The following ACVR1C variants were observed in gnomAD, a reference collection of about 807,000 sequenced individuals.
The protein encoded by ACVR1C is activin receptor type-1C.
In ACVR1C, 23 loss-of-function variants were observed where a neutral mutation model predicts 57.9. The ratio of observed to expected loss-of-function variants is 0.40; its 90% CI spans 0.29 to 0.56. ACVR1C has a LOEUF of 0.56. Among genes scored for constraint, ACVR1C ranks in the 20% least tolerant of loss-of-function variants. The pLI, the probability that ACVR1C is intolerant of heterozygous loss-of-function variation, is 0.50. For missense variants in ACVR1C, 480 were observed against 607.9 expected (o/e 0.79, Z 2.21); for synonymous variants, 214 against 215.3 (o/e 0.99, Z 0.05).
At chr2:157,581,573 A>G (rs977659926) in intron 2 of ACVR1C, among the ~76,000 whole-genome samples, 4 of 152,150 alleles carry the variant, frequency 2.6e-5, no homozygotes, top group African/African-American at 7.2e-5. Context: ...ACCATAACAA[A>G]TAGGATCTAA....
At chr2:157,607,573 C>G (rs1682432926) in intron 1 of ACVR1C, among the ~76,000 whole-genome samples, 1 of 151,658 alleles carries the variant, frequency 6.6e-6, no homozygotes, top group African/African-American at 2.4e-5. Flanking sequence ...GTCATTTTAA[C>G]AATACCTACT....
At chr2:157,542,271 A>G (rs1687642750) in intron 6 of ACVR1C, among the ~76,000 whole-genome samples, 1 of 152,210 alleles carries the variant, frequency 6.6e-6, no homozygotes, top group South Asian at 2.1e-4. Flanking sequence ...GTCCCTACCT[A>G]TCTATTTCAA....
chr2:157,574,003 A>T (rs1205326577), intron 2 of ACVR1C, among the ~76,000 whole-genome samples: 1 of 152,240 alleles, frequency 6.6e-6, no homozygotes, highest in Non-Finnish European at 1.5e-5. Flanking sequence ...AATGAATGAA[A>T]TAAATAAGAA....
At chr2:157,572,730 T>G (rs1286303994) in intron 2 of ACVR1C, among the ~76,000 whole-genome samples, 1 of 152,192 alleles carries the variant, frequency 6.6e-6, no homozygotes, top group Non-Finnish European at 1.5e-5. Context: ...GCCTCCTATA[T>G]TAAACTTTAA....
At chr2:157,625,737 T>C (rs889277782) in intron 1 of ACVR1C, among the ~76,000 whole-genome samples, 5 of 152,198 alleles carry the variant, frequency 3.3e-5, no homozygotes, top group African/African-American at 1.2e-4. Context: ...AATAATCCTT[T>C]CTGGACCAGA....
intron 2 of ACVR1C, among the ~76,000 whole-genome samples, chr2:157,563,507 G>T (rs1235427888): frequency 6.6e-6 from 1 of 152,188 alleles, no homozygotes; most frequent in Non-Finnish European, 1.5e-5. Flanking sequence ...CTCATGGATA[G>T]GAAGAATCAA....
intron 1 of ACVR1C, among the ~76,000 whole-genome samples, chr2:157,588,353 GGTTGA>G (rs1382520301): frequency 5.3e-5 from 8 of 151,742 alleles, no homozygotes; most frequent in South Asian, 2.1e-4. Flanking sequence ...AGCGCCTAGT[GGTTGA>G]GTTATTTATT....
At chr2:157,614,020 A>G (rs566526354) in intron 1 of ACVR1C, among the ~76,000 whole-genome samples, 84 of 152,320 alleles carry the variant, frequency 5.5e-4, no homozygotes, top group African/African-American at 1.9e-3. Context: ...TCAAGCTTTG[A>G]GCTATAAAAT....
intron 2 of ACVR1C, among the ~76,000 whole-genome samples, chr2:157,582,482 C>G (rs1448354977): frequency 6.6e-6 from 1 of 152,106 alleles, no homozygotes; most frequent in Non-Finnish European, 1.5e-5. Context: ...TCTCAATAAA[C>G]TCATGAAGCT....
intron 7 of ACVR1C, 79 bp from the exon 8 acceptor site, chr2:157,538,782 T>C: frequency 8.0e-7 from 1 of 1,253,786 alleles, no homozygotes; most frequent in Non-Finnish European, 1.0e-6. Flanking sequence ...CCAATTAAGT[T>C]TTCTAGGCAC....
At chr2:157,567,009 C>A (rs1245836812) in intron 2 of ACVR1C, among the ~76,000 whole-genome samples, 6 of 104,770 alleles carry the variant, frequency 5.7e-5, no homozygotes, top group South Asian at 3.4e-4. Flanking sequence ...CAGCACGCAG[C>A]TGGAGATCTG....
intron 3 of ACVR1C, among the ~76,000 whole-genome samples, chr2:157,551,187 C>T (rs1344969936): frequency 6.6e-6 from 1 of 152,186 alleles, no homozygotes; most frequent in Non-Finnish European, 1.5e-5. Context: ...ATTCAGATTT[C>T]AGCTCTGCCA....
At chr2:157,552,955 C>T (rs140996053) in intron 3 of ACVR1C, among the ~76,000 whole-genome samples, 49 of 152,264 alleles carry the variant, frequency 3.2e-4, no homozygotes, top group African/African-American at 1.2e-3. Context: ...AATTGTTACA[C>T]CACAAGAGAA....
At position 157,556,307 on chromosome 2, in the gene ACVR1C, T is replaced by A. The variant is rs761674421; in HGVS notation, c.330A>T (p.Gly110=). 82 of 1,614,000 alleles carry A rather than the reference T, an allele frequency of 5.1e-5. No homozygotes were observed. In the South Asian group the frequency reaches 8.8e-4, roughly 17 times the overall value. ...TAATAATGATGGCCAGCTCCATGGG[T>A]CCAAGTTTTGGGGCATTTGGTGATG... is the stretch of plus-strand genomic sequence containing the variant. ...PTASPNAPKL[G]PMELAIIITV... The change falls in exon 3 of 9, where the codon GGA becomes GGT. Residue 110 remains glycine, a synonymous_variant. Transcript: ENST00000243349.
chr2:157,591,887 G>A (rs797003847), intron 1 of ACVR1C, among the ~76,000 whole-genome samples: 11 of 152,062 alleles, frequency 7.2e-5, no homozygotes, highest in African/African-American at 2.2e-4. Context: ...ACTGACTTAC[G>A]TAACAGTCTC....
At chr2:157,586,354 G>C (rs1483809767) in intron 2 of ACVR1C, among the ~76,000 whole-genome samples, 1 of 152,072 alleles carries the variant, frequency 6.6e-6, no homozygotes, top group Non-Finnish European at 1.5e-5. Context: ...GAACACCTGA[G>C]ATTGGATAAC....
At chr2:157,608,391 A>AT (rs1396425394) in intron 1 of ACVR1C, among the ~76,000 whole-genome samples, 1 of 151,754 alleles carries the variant, frequency 6.6e-6, no homozygotes, top group African/African-American at 2.4e-5. Flanking sequence ...GTTTGTTAGT[A>AT]TTTTGTGGAG....
At chr2:157,583,411 T>C (rs1163642457) in intron 2 of ACVR1C, among the ~76,000 whole-genome samples, 2 of 152,194 alleles carry the variant, frequency 1.3e-5, no homozygotes, top group Non-Finnish European at 1.5e-5. Flanking sequence ...ACTATGTTCA[T>C]GGATTAAAAG....
rs1393426571 is a variant in ACVR1C, at chr2:157,528,626, CAATGGTATGGA to C, written c.*5281_*5291del. On this transcript the variant is annotated 3_prime_UTR_variant, in exon 9 of 9. Transcript: ENST00000243349. ...TTAGTTTGTCAAAAGCAAAACAAAG[CAATGGTATGGA>C]ACAGCAGAAATAAATTTAACAATCA... 5 of 152,060 alleles carry C rather than the reference CAATGGTATGGA, an allele frequency of 3.3e-5. No individual in the cohort carries two copies. The South Asian group carries it at 1.0e-3, about 32-fold the overall frequency. 9.4% of individuals were successfully genotyped at this position (152,060 alleles called of 1,614,324 possible). A position where few individuals can be genotyped will look rare whatever the true frequency, so the allele number is the denominator to read the frequency against.
Sources: allele counts gnomAD v4.1 joint callset (sites outside exome capture counted in the v4.1 genomes callset), GRCh38; gene constraint gnomAD v4.1.1; transcripts MANE v1.5; gene names NCBI Gene and HGNC (gene_info 2026-07-23, HGNC 2026-07-21).